BRD3: variants seen among roughly 807,000 people sequenced by gnomAD.
The protein encoded by BRD3 is bromodomain-containing protein 3.
A neutral mutation model predicts 66.8 loss-of-function variants in BRD3; 17 were observed. The ratio of observed to expected loss-of-function variants is 0.25; its 90% confidence interval spans 0.17 to 0.38. The LOEUF is 0.38. Among genes scored for constraint, BRD3 ranks in the 10% least tolerant of loss-of-function variants. The pLI, the probability that BRD3 is intolerant of heterozygous loss-of-function variation, is 1.00. For synonymous variants in BRD3, 421 were observed against 393.2 expected (o/e 1.07, Z -0.84); for missense variants, 713 against 956.1 (o/e 0.75, Z 3.35).
intron 1 of BRD3, chr9:134,056,999 G>C (rs947731404): frequency 6.6e-6 from 1 of 152,384 alleles, no homozygotes; most frequent in African/African-American, 2.4e-5. Flanking sequence ...GTCTGTGCAA[G>C]AGAGCCCCAC....
chr9:134,064,383 T>A (rs1389261013), intron 1 of BRD3, among the ~76,000 whole-genome samples: 1 of 149,306 alleles, frequency 6.7e-6, no homozygotes, highest in African/African-American at 2.5e-5. Context: ...TAAAAAAAAT[T>A]AAAAAAAATA....
upstream of BRD3, chr9:134,068,227 G>GGGGGGCGCGC (rs1830714669): frequency 6.9e-6 from 1 of 145,694 alleles, no homozygotes; most frequent in Non-Finnish European, 1.5e-5. Flanking sequence ...GGCCTGGCCC[G>GGGGGGCGCGC]GGGGGCGCGC....
intron 1 of BRD3, chr9:134,057,012 A>C (rs1588297550): frequency 6.6e-6 from 1 of 152,364 alleles, no homozygotes; most frequent in Non-Finnish European, 1.5e-5. Flanking sequence ...AGCCCCACAC[A>C]GACACTGGAA....
chr9:134,034,994 C>T (rs1317380749), intron 10 of BRD3, among the ~76,000 whole-genome samples, 165 bp from the exon 11 acceptor site: 1 of 152,198 alleles, frequency 6.6e-6, no homozygotes, highest in Admixed American at 6.5e-5. Flanking sequence ...GTCACCAGGG[C>T]TTCGAGTGGC....
chr9:134,060,612 ACACACACACG>A (rs1416315050), intron 1 of BRD3, among the ~76,000 whole-genome samples: 2 of 151,686 alleles, frequency 1.3e-5, no homozygotes, highest in Non-Finnish European at 2.9e-5. Context: ...ACACACACAC[ACACACACACG>A]ATCTGGAATG....
rs750698579 is a variant in BRD3, at chr9:134,041,755, C to G, written c.1407+5G>C. The G allele has an allele frequency of 2.5e-6, 4 of 1,608,350 alleles. No individual in the cohort carries two copies. The Admixed American group carries it at 5.0e-5, about 20-fold the overall frequency. ...TGAACCCCACCCAAGCATGCCAGTG[C>G]CCACCTGCTCCTGCAGCTCCGCCAG... On this transcript the variant is annotated splice_donor_5th_base_variant and intron_variant, in intron 8 of 11. Coordinates refer to ENST00000303407, the MANE Select transcript of BRD3 (RefSeq NM_007371.4).
In BRD3 at chr9:134,052,294, G is replaced by C. The variant is rs139980330; in HGVS notation, c.351+12C>G. ...TTACTGCAAGCGGCGTGCCAGGCCC[G>C]CATCTTCTTACCTTGTTATAAATGT... On this transcript the variant is annotated intron_variant, in intron 3 of 11. Transcript: ENST00000303407. 1 of 1,610,922 alleles carries C rather than the reference G, an allele frequency of 6.2e-7. No homozygotes were observed. Among genetic ancestry groups the C allele is most frequent in the African/African-American group, 1.3e-5 (1 of 74,924 alleles).
At position 134,032,684 on chromosome 9, in the gene BRD3, A is replaced by G. The variant is rs1276087596; in HGVS notation, c.*906T>C. On this transcript the variant is annotated 3_prime_UTR_variant, in exon 12 of 12. Transcript: ENST00000303407. ...ATTTTCTTTTTTTTAAAAATGACCA[A>G]TGATGTTAATAAATAACTATTTATA... The G allele has an allele frequency of 4.4e-6, 1 of 228,224 alleles. No individual in the cohort carries two copies. Among genetic ancestry groups the G allele is most frequent in the Non-Finnish European group, 8.7e-6 (1 of 114,978 alleles). 14.1% of individuals were successfully genotyped at this position (228,224 alleles called of 1,614,324 possible). A position where few individuals can be genotyped will look rare whatever the true frequency, so the allele number is the denominator to read the frequency against.
At chr9:134,059,115 A>G (rs1830485937) in intron 1 of BRD3, among the ~76,000 whole-genome samples, 1 of 152,258 alleles carries the variant, frequency 6.6e-6, no homozygotes, top group South Asian at 2.1e-4. Context: ...TGAAAGTTCT[A>G]TGAATGAAAT....
At chr9:134,066,356 T>C (rs1391035269) in intron 1 of BRD3, among the ~76,000 whole-genome samples, 2 of 152,162 alleles carry the variant, frequency 1.3e-5, no homozygotes, top group African/African-American at 4.8e-5. Context: ...AACACAGACC[T>C]TTATTTGCAA....
At chr9:134,048,847 G>A (rs1256272964) in intron 5 of BRD3, among the ~76,000 whole-genome samples, 2 of 152,230 alleles carry the variant, frequency 1.3e-5, no homozygotes, top group Admixed American at 6.5e-5. Flanking sequence ...CCTCGGTGCT[G>A]CAGAGACCTG....
At chr9:134,039,392 A>G (rs1364263351) in intron 9 of BRD3, among the ~76,000 whole-genome samples, 1 of 152,164 alleles carries the variant, frequency 6.6e-6, no homozygotes, top group East Asian at 1.9e-4. Context: ...CCCAAAAGGA[A>G]CACGTCCTAC....
In BRD3 at chr9:134,032,384, T is replaced by C; in HGVS notation, c.*1206A>G. ...CAAAAGAACTAAACAAAATAAAAAA[T>C]TAGAATGTGCTGTAGCTGAAAGCTG... On this transcript the variant is annotated 3_prime_UTR_variant, in exon 12 of 12. Coordinates refer to ENST00000303407, the MANE Select transcript of BRD3 (RefSeq NM_007371.4). The C allele has an allele frequency of 4.7e-6, 1 of 214,134 alleles. No individual in the cohort carries two copies. Among genetic ancestry groups the C allele is most frequent in the Non-Finnish European group, 9.1e-6 (1 of 109,850 alleles). The allele number at this position is 214,134 out of a possible 1,614,324, so 13.3% of individuals were successfully genotyped here.
At position 134,051,867 on chromosome 9, in the gene BRD3, G is replaced by A. The variant is rs1333524881; in HGVS notation, c.352-158C>T. ...AATATATGTGTGTGTGTGTGTGTGTGTGTGTGTGTGTTGTTTTTTTTGTTT... is the reference window on the plus strand; with the variant it reads ...AATATATGTGTGTGTGTGTGTGTGTATGTGTGTGTGTTGTTTTTTTTGTTT... On this transcript the variant is annotated intron_variant, in intron 3 of 11. Coordinates refer to ENST00000303407, the MANE Select transcript of BRD3 (RefSeq NM_007371.4). 6.5e-3 allele frequency among the ~76,000 whole-genome samples: 734 copies of A among 113,056 alleles called. 21 individuals are homozygous for A. Among genetic ancestry groups the A allele is most frequent in the African/African-American group, 0.029 (704 of 24,416 alleles). The allele number at this position is 113,056 out of a possible 152,430, so 74.2% of individuals were successfully genotyped here. A position where few individuals can be genotyped will look rare whatever the true frequency, so the allele number is the denominator to read the frequency against.
intron 7 of BRD3, among the ~76,000 whole-genome samples, chr9:134,043,738 G>C (rs1386764458): frequency 1.3e-4 from 20 of 152,222 alleles, no homozygotes; most frequent in Admixed American, 1.3e-3. Flanking sequence ...CTGTTGCCCA[G>C]GCTGGAGTGC....
chr9:134,066,575 C>T (rs1453907296), intron 1 of BRD3, among the ~76,000 whole-genome samples: 1 of 150,934 alleles, frequency 6.6e-6, no homozygotes, highest in African/African-American at 2.4e-5. Flanking sequence ...AAAAAAAAAA[C>T]CCTCCATTTT....
chr9:134,044,021 T>C (rs879348047), intron 7 of BRD3, among the ~76,000 whole-genome samples: 5 of 152,356 alleles, frequency 3.3e-5, no homozygotes, highest in Middle Eastern at 3.4e-3. Context: ...CCCTGCTCGG[T>C]CTGCAAGCCT....
At chr9:134,050,829 G>A (rs766847978) in intron 4 of BRD3, among the ~76,000 whole-genome samples, 44 of 152,132 alleles carry the variant, frequency 2.9e-4, no homozygotes, top group Non-Finnish European at 5.1e-4. Flanking sequence ...GACCATAGGA[G>A]GCGGAACGAG....
In BRD3 at chr9:134,067,971, CCCTCCCGGCCCGCGCGGCCGGCT is replaced by C. The variant is rs1830708515; in HGVS notation, c.-163_-141del. ...TGGCCTCGCGGCTCCGGCGGCCGTC[CCCTCCCGGCCCGCGCGGCCGGCT>C]CCTCTTTGGCTCGCCGGCCCCGGCA... On this transcript the variant is annotated 5_prime_UTR_variant, in exon 1 of 12. The change creates a premature stop within an existing upstream ORF in the 5' untranslated region. Coordinates refer to ENST00000303407, the MANE Select transcript of BRD3 (RefSeq NM_007371.4). 2 of 145,434 alleles carry C rather than the reference CCCTCCCGGCCCGCGCGGCCGGCT, an allele frequency of 1.4e-5. No homozygotes were observed. Among genetic ancestry groups the C allele is most frequent in the South Asian group, 3.8e-4 (2 of 5,264 alleles). The allele number at this position is 145,434 out of a possible 1,614,324, so 9.0% of individuals were successfully genotyped here. A position where few individuals can be genotyped will look rare whatever the true frequency, so the allele number is the denominator to read the frequency against.
Sources: allele counts gnomAD v4.1 joint callset (sites outside exome capture counted in the v4.1 genomes callset), GRCh38; gene constraint gnomAD v4.1.1; transcripts MANE v1.5; gene names NCBI Gene and HGNC (gene_info 2026-07-23, HGNC 2026-07-21).